Variants in NWD2 observed in about 807,000 individuals in gnomAD.
NWD2 encodes the protein NACHT and WD repeat domain-containing protein 2.
A neutral mutation model predicts 132.7 loss-of-function variants in NWD2; 37 were observed. The ratio of observed to expected loss-of-function variants is 0.28; its 90% confidence interval spans 0.21 to 0.37. NWD2 has a LOEUF of 0.37. NWD2 is among the 10% of genes least tolerant of loss of function. NWD2 has a pLI of 1.00. For missense variants in NWD2, 1,592 were observed against 2,122.4 expected, an observed-to-expected ratio of 0.75 and a Z score of 4.91; for synonymous variants, 705 against 803.0, an observed-to-expected ratio of 0.88 and a Z score of 2.06.
At chr4:37,265,243 A>G (rs1577648393) in intron 1 of NWD2, among the ~76,000 whole-genome samples, 1 of 152,292 alleles carries the variant, frequency 6.6e-6, no homozygotes, top group East Asian at 1.9e-4. Flanking sequence ...AGTAAATTAG[A>G]CAAGATTTAA....
chr4:37,326,696 A>G (rs1479377613), intron 2 of NWD2, among the ~76,000 whole-genome samples: 2 of 152,166 alleles, frequency 1.3e-5, no homozygotes, highest in Non-Finnish European at 2.9e-5. Flanking sequence ...AACAGATAAC[A>G]TTATTTAGTC....
intron 3 of NWD2, among the ~76,000 whole-genome samples, chr4:37,373,298 A>G (rs1720269151): frequency 6.6e-6 from 1 of 152,198 alleles, no homozygotes; most frequent in Non-Finnish European, 1.5e-5. Flanking sequence ...TTGCCACTTG[A>G]TAAGAGATGC....
chr4:37,253,425 G>A (rs181828432), intron 1 of NWD2, among the ~76,000 whole-genome samples: 79 of 152,320 alleles, frequency 5.2e-4, no homozygotes, highest in South Asian at 1.5e-3. Context: ...GAGCCTGGAG[G>A]AGAGAATGAA....
At chr4:37,342,805 A>G (rs567537946) in intron 2 of NWD2, among the ~76,000 whole-genome samples, 1 of 152,328 alleles carries the variant, frequency 6.6e-6, no homozygotes, top group African/African-American at 2.4e-5. Flanking sequence ...TTAGTTGTCT[A>G]CAGAAGGCTT....
chr4:37,254,350 T>C lies in NWD2; in HGVS notation c.151+9132T>C, dbSNP rs985151839. ...CTTTGAGCTCTAAGCATTGATGAATTCCTATCCAAAACAGCTGCAGAAGAT... is the reference window on the plus strand; with the variant it reads ...CTTTGAGCTCTAAGCATTGATGAATCCCTATCCAAAACAGCTGCAGAAGAT... On this transcript the variant is annotated intron_variant, in intron 1 of 6. Transcript: ENST00000309447. 2.0e-4 allele frequency among the ~76,000 whole-genome samples: 30 copies of C among 152,302 alleles called. 1 individual carries two copies. Among genetic ancestry groups the C allele is most frequent in the Middle Eastern group, 3.4e-3 (1 of 294 alleles).
chr4:37,249,250 G>A (rs973984820), intron 1 of NWD2, among the ~76,000 whole-genome samples: 9 of 152,208 alleles, frequency 5.9e-5, no homozygotes, highest in Non-Finnish European at 1.2e-4. Context: ...GGCCATCAAG[G>A]ACTCAGGTTA....
chr4:37,322,232 A>G (rs1194037803), intron 1 of NWD2, among the ~76,000 whole-genome samples: 2 of 152,174 alleles, frequency 1.3e-5, no homozygotes, highest in Non-Finnish European at 2.9e-5. Flanking sequence ...TTGAGCTTAA[A>G]TTTTAGTGAG....
At chr4:37,265,553 G>A (rs899369832) in intron 1 of NWD2, among the ~76,000 whole-genome samples, 8 of 151,980 alleles carry the variant, frequency 5.3e-5, no homozygotes, top group African/African-American at 1.9e-4. Flanking sequence ...CTTGCCTTTT[G>A]CATCTTCTAG....
chr4:37,443,449 G>C lies in NWD2; in HGVS notation c.1461G>C (p.Lys487Asn), dbSNP rs2109330889. ...NYRCLVQSYP[K>N]KIHDLCDLFI... ...GGTGTCTGGTTCAAAGCTACCCTAA[G>C]AAGATCCATGACCTCTGTGACTTAT... Residue 487 changes from lysine to asparagine, a missense_variant, in exon 7 of 7, where the codon AAG becomes AAC. Transcript: ENST00000309447. This position sits in a 1 kb window ranked among gnomAD's most constrained non-coding sequence, Gnocchi z 4.1. 1 of 1,552,222 alleles carries C rather than the reference G, an allele frequency of 6.4e-7. No individual in the cohort carries two copies. Among genetic ancestry groups the C allele is most frequent in the East Asian group, 2.4e-5 (1 of 40,918 alleles).
At chr4:37,354,790 G>T (rs1207200236) in intron 2 of NWD2, among the ~76,000 whole-genome samples, 2 of 152,140 alleles carry the variant, frequency 1.3e-5, no homozygotes, top group East Asian at 3.8e-4. Context: ...TAGTGTGGCA[G>T]GATATTAATT....
Position 37,430,715 on chromosome 4 carries a change from G to A in NWD2, c.501G>A (p.Ser167=), listed in dbSNP as rs893883844. The change falls in exon 4 of 7, where the codon TCG becomes TCA. Residue 167 remains serine (S), a synonymous_variant. Coordinates refer to ENST00000309447, the MANE Select transcript of NWD2 (RefSeq NM_001144990.2). The stretch of plus-strand genomic sequence containing the variant: ...AGTGGTACTGTCGAGATGAGAACTC[G>A]GTGCCAGCAGCCTATTACCTCAGAC... ...LEEWYCRDEN[S]VPAAYYLRPK... 15 of 1,551,478 alleles carry A rather than the reference G, an allele frequency of 9.7e-6. 1 individual carries two copies. The East Asian group carries it at 9.8e-5, about 10-fold the overall frequency.
chr4:37,288,289 T>A (rs956498823), intron 1 of NWD2, among the ~76,000 whole-genome samples: 4 of 152,192 alleles, frequency 2.6e-5, no homozygotes, highest in Non-Finnish European at 5.9e-5. Flanking sequence ...AAACTTAAAA[T>A]CAGTACAAAG....
chr4:37,416,295 G>A (rs920077847), intron 3 of NWD2, among the ~76,000 whole-genome samples: 3 of 151,988 alleles, frequency 2.0e-5, no homozygotes, highest in Admixed American at 6.6e-5. Context: ...GTCTGAGCAT[G>A]GAACTTATAT....
chr4:37,309,881 C>A (rs1470136309), intron 1 of NWD2, among the ~76,000 whole-genome samples: 1 of 152,184 alleles, frequency 6.6e-6, no homozygotes, highest in African/African-American at 2.4e-5. Flanking sequence ...TGCAATTCAC[C>A]ATGTAGTTAT....
intron 1 of NWD2, among the ~76,000 whole-genome samples, chr4:37,252,646 G>A (rs1394227824): frequency 1.3e-5 from 2 of 152,144 alleles, no homozygotes; most frequent in African/African-American, 2.4e-5. Context: ...GCCTAGACTT[G>A]GCTGGGCTGG....
intron 1 of NWD2, among the ~76,000 whole-genome samples, chr4:37,252,359 A>G (rs1194516408): frequency 3.3e-5 from 5 of 152,254 alleles, no homozygotes; most frequent in Admixed American, 3.3e-4. Context: ...GTTTAAAAAA[A>G]TCAGCTTATG....
chr4:37,393,308 T>C (rs1264010544), intron 3 of NWD2, among the ~76,000 whole-genome samples: 1 of 152,232 alleles, frequency 6.6e-6, no homozygotes, highest in Non-Finnish European at 1.5e-5. Flanking sequence ...ATATTTTCTC[T>C]GTCAGAAATT....
At chr4:37,343,834 G>A (rs2109295887) in intron 2 of NWD2, among the ~76,000 whole-genome samples, 1 of 152,152 alleles carries the variant, frequency 6.6e-6, no homozygotes, top group South Asian at 2.1e-4. Flanking sequence ...TTGCTTTATT[G>A]TTAGGTAATC....
chr4:37,328,579 C>A (rs1012463409), intron 2 of NWD2, among the ~76,000 whole-genome samples: 2 of 152,114 alleles, frequency 1.3e-5, no homozygotes, highest in Non-Finnish European at 2.9e-5. Flanking sequence ...TGAACTCCAT[C>A]TTTTTTATGG....
Sources: allele counts gnomAD v4.1 joint callset (sites outside exome capture counted in the v4.1 genomes callset), GRCh38; gene constraint gnomAD v4.1.1; non-coding constraint Gnocchi (gnomAD v3.1); transcripts MANE v1.5; gene names NCBI Gene and HGNC (gene_info 2026-07-23, HGNC 2026-07-21).